Variants in FAM120C observed in about 807,000 individuals in gnomAD.
FAM120C encodes the protein family with sequence similarity 120 member C, also known as constitutive coactivator of PPAR-gamma-like protein 2.
Under a neutral mutation model 71.2 loss-of-function variants are expected in FAM120C, and 14 were observed. The observed-to-expected ratio is 0.20, with a 90% CI of 0.13 to 0.31. The LOEUF is 0.31. FAM120C is among the 10% of genes least tolerant of loss of function. The pLI, the probability that FAM120C is intolerant of heterozygous loss-of-function variation, is 1.00. For synonymous variants in FAM120C, 354 were observed against 353.2 expected, an observed-to-expected ratio of 1.00 and a Z score of -0.03; for missense variants, 500 against 879.0, an observed-to-expected ratio of 0.57 and a Z score of 5.45.
At chrX:54,137,510 T>G (rs1163681303) in intron 4 of FAM120C, among the ~76,000 whole-genome samples, 6 of 112,264 alleles carry the variant, frequency 5.3e-5, no homozygotes, top group African/African-American at 1.9e-4. Flanking sequence ...TGGCTGCATA[T>G]TTTGTCATTA....
chrX:54,125,525 C>G (rs1205788373), intron 9 of FAM120C, among the ~76,000 whole-genome samples: 1 of 112,236 alleles, frequency 8.9e-6, no homozygotes, highest in Non-Finnish European at 1.9e-5. Context: ...AGGCTGGTCT[C>G]AAATTCCAGA....
rs782457753 is a variant in FAM120C, at chrX:54,181,397, A to G, written c.699+1103T>C. Among the ~76,000 whole-genome samples, 14 of 110,757 alleles carry G rather than the reference A, an allele frequency of 1.3e-4. No individual in the cohort carries two copies. In the East Asian group the frequency reaches 3.4e-3, roughly 27 times the overall value. ...TTCCTGCCCACCTCCTTTACTTCCC[A>G]AGCCTTGCTATTCTCTACACGTAGG... On this transcript the variant is annotated intron_variant, in intron 1 of 15. Coordinates refer to ENST00000375180, the MANE Select transcript of FAM120C (RefSeq NM_017848.6).
In FAM120C at chrX:54,072,904, A is replaced by G; in HGVS notation, c.*129T>C. On this transcript the variant is annotated 3_prime_UTR_variant, in exon 16 of 16. Transcript: ENST00000375180. ...CAGGGAAGGGGAAAAGATGGACACA[A>G]TAGGACATCCCACCAAAATCCTGGA... 1.2e-6 allele frequency: 1 copy of G among 822,363 alleles called. No individual in the cohort carries two copies. The highest frequency in any genetic ancestry group is 1.7e-6 in the Non-Finnish European group (1 of 586,527). The allele number at this position is 822,363 out of a possible 1,213,427, so 67.8% of individuals were successfully genotyped here.
At position 54,080,280 on chromosome X, in the gene FAM120C, T is replaced by G; in HGVS notation, c.2988A>C (p.Lys996Asn). The G allele has an allele frequency of 5.8e-6, 7 of 1,207,641 alleles. No individual in the cohort carries two copies. Among genetic ancestry groups the G allele is most frequent in the Non-Finnish European group, 7.8e-6 (7 of 892,391 alleles). Residue 996 changes from lysine (K) to asparagine (N), a missense_variant, in exon 15 of 16, where the codon AAA (lysine) becomes AAC (asparagine). This residue lies in a region of FAM120C where 85 missense variants were observed against 96.1 expected (regional missense o/e 0.88). Transcript: ENST00000375180. ...SVGGPGKGHGKEQTGRGSKGH... is the reference protein window; with the variant it reads ...SVGGPGKGHGNEQTGRGSKGH... ...CCTTGGATCCTCTACCAGTCTGTTC[T>G]TTTCCATGCCTTTAGCAAGTGAGAA...
intron 3 of FAM120C, among the ~76,000 whole-genome samples, chrX:54,157,368 T>C (rs1039564073): frequency 8.4e-4 from 93 of 110,736 alleles, no homozygotes; most frequent in Admixed American, 2.1e-3. Context: ...GATTCTCCTG[T>C]CTTAGCCTCC....
chrX:54,163,884 TTGTGTGTG>T (rs782142864), intron 1 of FAM120C, among the ~76,000 whole-genome samples: 15 of 102,984 alleles, frequency 1.5e-4, no homozygotes, highest in Non-Finnish European at 2.2e-4. Context: ...CCTTTTTATG[TTGTGTGTG>T]TGTGTGTGTG....
chrX:54,101,351 C>T (rs2066881286), intron 10 of FAM120C, among the ~76,000 whole-genome samples: 1 of 111,516 alleles, frequency 9.0e-6, no homozygotes, highest in Admixed American at 9.6e-5. Flanking sequence ...GGGCTGTAGG[C>T]CTCTAAAGGG....
intron 4 of FAM120C, among the ~76,000 whole-genome samples, chrX:54,142,363 G>A (rs1356481006): frequency 8.9e-6 from 1 of 111,864 alleles, no homozygotes; most frequent in Non-Finnish European, 1.9e-5. Flanking sequence ...CTGGAAAATC[G>A]GGACACTCCC....
At chrX:54,154,052 T>A (rs917340159) in intron 3 of FAM120C, among the ~76,000 whole-genome samples, 2 of 107,946 alleles carry the variant, frequency 1.9e-5, no homozygotes, top group African/African-American at 3.4e-5. Flanking sequence ...TTTTTTTTTT[T>A]AAAAGGGTCG....
chrX:54,129,091 G>A (rs1449548733), intron 9 of FAM120C, among the ~76,000 whole-genome samples: 1 of 105,403 alleles, frequency 9.5e-6, no homozygotes, highest in African/African-American at 3.5e-5. Flanking sequence ...GCGGCCGGCC[G>A]GGCAGGGGGC....
At position 54,072,903 on chromosome X, in the gene FAM120C, A is replaced by G; in HGVS notation, c.*130T>C. The G allele has an allele frequency of 8.6e-6, 7 of 817,300 alleles. No homozygotes were observed. Among genetic ancestry groups the G allele is most frequent in the Non-Finnish European group, 1.2e-5 (7 of 581,745 alleles). 67.4% of individuals were successfully genotyped at this position (817,300 alleles called of 1,213,427 possible). On this transcript the variant is annotated 3_prime_UTR_variant, in exon 16 of 16. Transcript: ENST00000375180. ...GCAGGGAAGGGGAAAAGATGGACAC[A>G]ATAGGACATCCCACCAAAATCCTGG...
chrX:54,079,225 G>C (rs1195231213), intron 15 of FAM120C, among the ~76,000 whole-genome samples: 60 of 99,986 alleles, frequency 6.0e-4, no homozygotes, highest in African/African-American at 2.0e-3. Context: ...TCGCGCCACT[G>C]CACTCCAGCC....
rs1557119908 is a variant in FAM120C at position 54,069,926 on chromosome X, C to T, written c.*3107G>A. The stretch of plus-strand genomic sequence containing the variant: ...GTCCTTGGGGATCAGTGACTATACA[C>T]AACCAGTGTTTTGCTTATGGTCCTA... On this transcript the variant is annotated 3_prime_UTR_variant, in exon 16 of 16. Transcript: ENST00000375180. 9.0e-6 allele frequency: 1 copy of T among 111,621 alleles called. No homozygotes were observed. The highest frequency in any genetic ancestry group is 2.8e-4 in the East Asian group (1 of 3,562). 9.2% of individuals were successfully genotyped at this position (111,621 alleles called of 1,213,427 possible).
intron 4 of FAM120C, 38 bp from the exon 5 acceptor site, chrX:54,136,628 A>ACTC: frequency 1.1e-6 from 1 of 941,296 alleles, no homozygotes; most frequent in Non-Finnish European, 1.5e-6. Context: ...AAGAAAAAAC[A>ACTC]TGAGAGTGTT....
At chrX:54,123,727 T>TCA (rs1222953468) in intron 9 of FAM120C, among the ~76,000 whole-genome samples, 4 of 69,833 alleles carry the variant, frequency 5.7e-5, no homozygotes, top group Non-Finnish European at 1.1e-4. Flanking sequence ...CTCGTCAAAA[T>TCA]CATTCTCCAT....
intron 10 of FAM120C, among the ~76,000 whole-genome samples, chrX:54,104,821 A>G (rs1482072139): frequency 9.1e-6 from 1 of 110,384 alleles, no homozygotes; most frequent in Admixed American, 9.8e-5. Flanking sequence ...GGGGGAAAAA[A>G]AAGAAAAAGA....
At chrX:54,146,175 G>A (rs1370186395) in intron 4 of FAM120C, among the ~76,000 whole-genome samples, 1 of 109,604 alleles carries the variant, frequency 9.1e-6, no homozygotes, top group Non-Finnish European at 1.9e-5. Context: ...GGGAAGGGGG[G>A]AGGGATAGCA....
intron 9 of FAM120C, among the ~76,000 whole-genome samples, chrX:54,124,700 C>T (rs950424232): frequency 9.1e-6 from 1 of 109,966 alleles, no homozygotes; most frequent in Non-Finnish European, 1.9e-5. Flanking sequence ...ACGCTGGGAG[C>T]TGTAGACCGG....
intron 10 of FAM120C, among the ~76,000 whole-genome samples, chrX:54,092,782 G>GCCCC (rs1278224362): frequency 9.0e-6 from 1 of 111,196 alleles, no homozygotes; most frequent in Non-Finnish European, 1.9e-5. Context: ...ATTTACCTTT[G>GCCCC]CCCATTCTTT....
Sources: gnomAD v4.1 joint callset for allele counts (sites outside exome capture counted in the v4.1 genomes callset) on GRCh38, gnomAD v4.1.1 for gene constraint, gnomAD v4.1.1 regional missense constraint, MANE v1.5 for transcripts, NCBI Gene and HGNC (gene_info 2026-07-23, HGNC 2026-07-21) for gene names.